DCAF12: variants seen among roughly 807,000 people sequenced by gnomAD.
DCAF12 encodes DDB1 and CUL4 associated factor 12.
Under a neutral mutation model 52.8 loss-of-function variants are expected in DCAF12, and 28 were observed. The observed-to-expected ratio is 0.53, with a 90% CI of 0.39 to 0.73. DCAF12 has a LOEUF of 0.73. Ranked by LOEUF, DCAF12 falls within the 30% of genes least tolerant of loss-of-function variation. The pLI is 0.00. For synonymous variants in DCAF12, 196 were observed against 215.5 expected (o/e 0.91, Z 0.79); for missense variants, 425 against 552.2 (o/e 0.77, Z 2.31).
At chr9:34,102,369 C>CT (rs1156786713) in intron 4 of DCAF12, among the ~76,000 whole-genome samples, 7 of 152,074 alleles carry the variant, frequency 4.6e-5, no homozygotes, top group Admixed American at 1.3e-4. Context: ...TAATAAAGCA[C>CT]TTAAAAACCC....
rs780085531 is a variant in DCAF12 at position 34,098,318 on chromosome 9, T to G, written c.795+6A>C. 4.3e-6 allele frequency: 7 copies of G among 1,613,246 alleles called. No homozygotes were observed. In the East Asian group the frequency reaches 1.6e-4, roughly 36 times the overall value. On this transcript the variant is annotated splice_donor_region_variant and intron_variant, in intron 5 of 8. Transcript: ENST00000361264. ...ACACGTCAGGGATCCCTACACAAGT[T>G]CATACCTTGTTCTTGTTGTTGAAGG... is the stretch of plus-strand genomic sequence containing the variant.
intron 2 of DCAF12, among the ~76,000 whole-genome samples, chr9:34,110,175 C>A (rs1052416999): frequency 6.6e-6 from 1 of 152,054 alleles, no homozygotes; most frequent in Admixed American, 6.6e-5. Flanking sequence ...GCAGCAGACT[C>A]CCTGCCTAAC....
At position 34,126,678 on chromosome 9, in the gene DCAF12, A is replaced by C. The variant is rs901940872; in HGVS notation, c.-247T>G. Reference sequence around the variant, plus strand: ...CGGCTTTCCGACGGCAGAGCCTGCAAGGACGGCGAGCGGCTAGAACCAAAA... The same window carrying C: ...CGGCTTTCCGACGGCAGAGCCTGCACGGACGGCGAGCGGCTAGAACCAAAA... On this transcript the variant is annotated 5_prime_UTR_variant, in exon 1 of 9. Coordinates refer to ENST00000361264, the MANE Select transcript of DCAF12 (RefSeq NM_015397.4). 11 of 568,672 alleles carry C rather than the reference A, an allele frequency of 1.9e-5. No individual in the cohort carries two copies. Among genetic ancestry groups the C allele is most frequent in the Non-Finnish European group, 3.1e-5 (10 of 323,888 alleles). The allele number at this position is 568,672 out of a possible 1,614,324, so 35.2% of individuals were successfully genotyped here.
chr9:34,088,248 T>G lies in DCAF12; in HGVS notation c.*102A>C. On this transcript the variant is annotated 3_prime_UTR_variant, in exon 9 of 9. Transcript: ENST00000361264. ...TATAGGCAAACTTTGGTGTTCCCAC[T>G]AAAACACAAGAGCCTCACACAATTA... 7.4e-7 allele frequency: 1 copy of G among 1,358,036 alleles called. No individual in the cohort carries two copies. Among genetic ancestry groups the G allele is most frequent in the Non-Finnish European group, 9.9e-7 (1 of 1,014,440 alleles). 84.1% of individuals were successfully genotyped at this position (1,358,036 alleles called of 1,614,324 possible). A position where few individuals can be genotyped will look rare whatever the true frequency, so the allele number is the denominator to read the frequency against.
intron 4 of DCAF12, among the ~76,000 whole-genome samples, chr9:34,102,204 A>G (rs1198013714): frequency 1.3e-5 from 2 of 151,708 alleles, no homozygotes; most frequent in Non-Finnish European, 2.9e-5. Flanking sequence ...TGGGAGGGTC[A>G]CTGGAGCCTG....
Position 34,089,473 on chromosome 9 carries a change from T to C in DCAF12, c.1142A>G (p.Tyr381Cys), listed in dbSNP as rs775737837. 6.2e-7 allele frequency: 1 copy of C among 1,614,148 alleles called. No homozygotes were observed. The highest frequency in any genetic ancestry group is 1.7e-5 in the Admixed American group (1 of 59,998). ...CCCTGCTAGTCTGGGCTTGGACCCA[T>C]AACAAGCTGAGAGCCTCTCTTCCAG... ...RFLEERLSAC[Y>C]GSKPRLAGEN... The change falls in exon 8 of 9, where the codon TAT becomes TGT. Residue 381 changes from tyrosine to cysteine, a missense_variant. Transcript: ENST00000361264.
rs1242299559 is a variant in DCAF12, at chr9:34,088,334, A to C, written c.*16T>G. On this transcript the variant is annotated 3_prime_UTR_variant, in exon 9 of 9. Coordinates refer to ENST00000361264, the MANE Select transcript of DCAF12 (RefSeq NM_015397.4). ...AATGGAAGTTAGTGTAAATCTCTGC[A>C]TTTGGGGAGTTGTCATTAACTCCAG... is the stretch of plus-strand genomic sequence containing the variant. 2.5e-5 allele frequency: 39 copies of C among 1,536,330 alleles called. No individual in the cohort carries two copies. Among genetic ancestry groups the C allele is most frequent in the Non-Finnish European group, 2.8e-5 (32 of 1,146,716 alleles).
intron 1 of DCAF12, among the ~76,000 whole-genome samples, chr9:34,126,058 G>C (rs145946538): frequency 1.0e-3 from 155 of 152,226 alleles, no homozygotes; most frequent in African/African-American, 3.5e-3. Context: ...CCTTAACTTC[G>C]GTTTCCCCTT....
intron 2 of DCAF12, among the ~76,000 whole-genome samples, chr9:34,124,137 G>T (rs117474949): frequency 6.6e-6 from 1 of 152,076 alleles, no homozygotes; most frequent in Non-Finnish European, 1.5e-5. Context: ...TCTTGATCTA[G>T]AGCAATCTTC....
chr9:34,120,431 G>A (rs1406733536), intron 2 of DCAF12, among the ~76,000 whole-genome samples: 3 of 151,802 alleles, frequency 2.0e-5, no homozygotes, highest in African/African-American at 7.3e-5. Context: ...AGCACTTTGG[G>A]AGGCTGAGGC....
At chr9:34,109,306 T>G (rs1364294187) in intron 2 of DCAF12, 1 of 197,294 alleles carries the variant, frequency 5.1e-6, no homozygotes, top group Non-Finnish European at 1.1e-5. Flanking sequence ...CATGTACTAG[T>G]GCTGGAAGGC....
intron 2 of DCAF12, among the ~76,000 whole-genome samples, chr9:34,108,836 A>T (rs1828950191): frequency 6.8e-6 from 1 of 147,534 alleles, no homozygotes. Flanking sequence ...TATATGAATG[A>T]GGTGGACAAG....
At chr9:34,116,594 G>C (rs1369529541) in intron 2 of DCAF12, among the ~76,000 whole-genome samples, 1 of 152,074 alleles carries the variant, frequency 6.6e-6, no homozygotes, top group Non-Finnish European at 1.5e-5. Context: ...AGAATCGCCT[G>C]AACTCAGGTG....
chr9:34,102,405 G>A (rs1343305376), intron 4 of DCAF12, among the ~76,000 whole-genome samples: 1 of 152,206 alleles, frequency 6.6e-6, no homozygotes, highest in Non-Finnish European at 1.5e-5. Context: ...GCTCACGCCT[G>A]TAACCCCAGA....
intron 2 of DCAF12, among the ~76,000 whole-genome samples, chr9:34,112,521 G>C (rs1829020480): frequency 6.6e-6 from 1 of 150,980 alleles, no homozygotes; most frequent in Non-Finnish European, 1.5e-5. Context: ...TTGGACCCAG[G>C]AGGTGGAGGT....
In DCAF12 at chr9:34,114,726, G is replaced by A. The variant is rs140616224; in HGVS notation, c.334-7161C>T. Among the ~76,000 whole-genome samples the A allele has an allele frequency of 5.9e-5, 9 of 152,246 alleles. No individual in the cohort carries two copies. In the East Asian group the frequency reaches 1.7e-3, roughly 29 times the overall value. The stretch of plus-strand genomic sequence containing the variant: ...TTCTAGGATGGGGGGAAAGAGACAT[G>A]TAAGACTAGTGAGTCTATCTCTGCA... On this transcript the variant is annotated intron_variant, in intron 2 of 8. Coordinates refer to ENST00000361264, the MANE Select transcript of DCAF12 (RefSeq NM_015397.4).
In DCAF12 at chr9:34,107,570, A is replaced by T; in HGVS notation, c.334-5T>A. On this transcript the variant is annotated splice_polypyrimidine_tract_variant and splice_region_variant and intron_variant, in intron 2 of 8. Coordinates refer to ENST00000361264, the MANE Select transcript of DCAF12 (RefSeq NM_015397.4). Reference sequence around the variant, plus strand: ...CTGGACATCTACGACAAATAGCTACAAGAAAAAATGGATACAGAAGCTGAA... The same window carrying T: ...CTGGACATCTACGACAAATAGCTACTAGAAAAAATGGATACAGAAGCTGAA... 1 of 1,613,986 alleles carries T rather than the reference A, an allele frequency of 6.2e-7. No individual in the cohort carries two copies. The highest frequency in any genetic ancestry group is 8.5e-7 in the Non-Finnish European group (1 of 1,179,894).
In DCAF12 at chr9:34,093,095, C is replaced by T. The variant is rs567472700; in HGVS notation, c.1024+191G>A. Among the ~76,000 whole-genome samples, 5 of 152,334 alleles carry T rather than the reference C, an allele frequency of 3.3e-5. No homozygotes were observed. In the South Asian group the frequency reaches 6.2e-4, roughly 19 times the overall value. On this transcript the variant is annotated intron_variant, in intron 7 of 8. Transcript: ENST00000361264. ...AACTCCCGACCTCAGGTGATCCACC[C>T]GCCTCGGCCTCCCAAAGTGCTGGGA...
rs1447244187 is a variant in DCAF12 at position 34,126,539 on chromosome 9, C to T, written c.-108G>A. 1 of 1,265,470 alleles carries T rather than the reference C, an allele frequency of 7.9e-7. No individual in the cohort carries two copies. The highest frequency in any genetic ancestry group is 2.7e-5 in the East Asian group (1 of 36,760). The allele number at this position is 1,265,470 out of a possible 1,614,324, so 78.4% of individuals were successfully genotyped here. A position where few individuals can be genotyped will look rare whatever the true frequency, so the allele number is the denominator to read the frequency against. ...CCCGGGGCCGCGCACCTTAGTGCGC[C>T]CGGCCCGGAAAATGGCCCGGACCCG... On this transcript the variant is annotated 5_prime_UTR_variant, in exon 1 of 9. Transcript: ENST00000361264.
Sources: gnomAD v4.1 joint callset for allele counts (sites outside exome capture counted in the v4.1 genomes callset) on GRCh38, gnomAD v4.1.1 for gene constraint, MANE v1.5 for transcripts, NCBI Gene and HGNC (gene_info 2026-07-23, HGNC 2026-07-21) for gene names.